AUTS2: variants seen among roughly 807,000 people sequenced by gnomAD.
AUTS2 encodes the protein activator of transcription and developmental regulator AUTS2.
A neutral mutation model predicts 112.4 loss-of-function variants in AUTS2; 17 were observed. The observed-to-expected ratio is 0.15, with a 90% CI of 0.10 to 0.23. AUTS2 has a LOEUF of 0.23. AUTS2 is among the 10% of genes least tolerant of loss of function. The probability of loss-of-function intolerance (pLI) is 1.00; values close to 1 mark genes in which losing one functional copy is unlikely to be tolerated. For synonymous variants in AUTS2, 751 were observed against 702.7 expected (o/e 1.07, Z -1.09); for missense variants, 1,510 against 1,701.6 (o/e 0.89, Z 1.98).
intron 5 of AUTS2, among the ~76,000 whole-genome samples, chr7:70,450,269 G>A (rs1796476963): frequency 6.6e-6 from 1 of 152,154 alleles, no homozygotes; most frequent in Non-Finnish European, 1.5e-5. Flanking sequence ...GAAAGCTGAG[G>A]TACCTAGATG....
intron 4 of AUTS2, among the ~76,000 whole-genome samples, chr7:70,214,362 T>C (rs984193258): frequency 6.6e-6 from 1 of 152,226 alleles, no homozygotes; most frequent in Admixed American, 6.5e-5. Flanking sequence ...ACATTCCACT[T>C]ATAATCTGTT....
chr7:69,685,749 T>C (rs985086942), intron 1 of AUTS2, among the ~76,000 whole-genome samples: 10 of 149,946 alleles, frequency 6.7e-5, no homozygotes, highest in Non-Finnish European at 1.2e-4. Context: ...ATAGAGACAA[T>C]GTCTCACTAT....
chr7:70,046,023 T>C (rs375045883), intron 2 of AUTS2, among the ~76,000 whole-genome samples: 2 of 152,150 alleles, frequency 1.3e-5, no homozygotes, highest in East Asian at 3.9e-4. Flanking sequence ...TTCAAAGTTA[T>C]ACGTTTAAAG....
At chr7:70,322,803 C>A (rs1191473391) in intron 4 of AUTS2, among the ~76,000 whole-genome samples, 2 of 152,186 alleles carry the variant, frequency 1.3e-5, no homozygotes, top group East Asian at 3.8e-4. Context: ...ATGCCCTGTA[C>A]GGATACCAAT....
intron 4 of AUTS2, among the ~76,000 whole-genome samples, chr7:70,185,284 T>TTTTTTAA: frequency 7.2e-6 from 1 of 139,854 alleles, no homozygotes; most frequent in African/African-American, 2.6e-5. Flanking sequence ...TTTTTTTTTT[T>TTTTTTAA]AAGAAACGAG....
intron 1 of AUTS2, among the ~76,000 whole-genome samples, chr7:69,606,588 C>CT (rs941622610): frequency 5.3e-5 from 8 of 150,020 alleles, no homozygotes; most frequent in East Asian, 1.9e-4. Context: ...CAAGAAGCAA[C>CT]TTTTTTTTTT....
intron 2 of AUTS2, among the ~76,000 whole-genome samples, chr7:69,989,926 T>C (rs1324956773): frequency 6.6e-6 from 1 of 152,054 alleles, no homozygotes; most frequent in Admixed American, 6.6e-5. Context: ...CCTGCTTCCA[T>C]GAGAATCTAA....
chr7:69,990,132 T>C (rs999814460), intron 2 of AUTS2, among the ~76,000 whole-genome samples: 4 of 152,214 alleles, frequency 2.6e-5, no homozygotes, highest in Non-Finnish European at 5.9e-5. Context: ...GCATGCTATT[T>C]TACCTCTTGG....
chr7:70,256,777 C>G (rs1056169966), intron 4 of AUTS2, among the ~76,000 whole-genome samples: 2 of 152,074 alleles, frequency 1.3e-5, no homozygotes, highest in Non-Finnish European at 2.9e-5. Context: ...GTGTGTTTTG[C>G]CATGCTTTTC....
At chr7:70,601,993 T>C (rs1803495503) in intron 5 of AUTS2, among the ~76,000 whole-genome samples, 1 of 152,148 alleles carries the variant, frequency 6.6e-6, no homozygotes, top group Admixed American at 6.5e-5. Flanking sequence ...TGATTCCCTA[T>C]TAGCAGATCC....
intron 2 of AUTS2, among the ~76,000 whole-genome samples, chr7:69,910,567 C>T (rs577860237): frequency 1.4e-4 from 21 of 152,316 alleles, no homozygotes; most frequent in African/African-American, 4.6e-4. Flanking sequence ...TCACATCTTA[C>T]GTGGATGGTG....
chr7:69,943,936 T>C (rs1351668688), intron 2 of AUTS2, among the ~76,000 whole-genome samples: 1 of 152,222 alleles, frequency 6.6e-6, no homozygotes, highest in East Asian at 1.9e-4. Context: ...AAACTGGTGA[T>C]ATGAAATGCT....
At chr7:70,731,604 T>C (rs1466128151) in intron 6 of AUTS2, among the ~76,000 whole-genome samples, 1 of 151,700 alleles carries the variant, frequency 6.6e-6, no homozygotes, top group Non-Finnish European at 1.5e-5. Flanking sequence ...TAATTTTTTA[T>C]ATTTTTAGTA....
chr7:70,299,970 A>C (rs1000789300), intron 4 of AUTS2, among the ~76,000 whole-genome samples: 1 of 152,248 alleles, frequency 6.6e-6, no homozygotes, highest in African/African-American at 2.4e-5. Flanking sequence ...TTGGATCCAA[A>C]GAATTTTATG....
At chr7:70,627,980 G>T (rs1805037928) in intron 5 of AUTS2, among the ~76,000 whole-genome samples, 1 of 152,146 alleles carries the variant, frequency 6.6e-6, no homozygotes, top group South Asian at 2.1e-4. Flanking sequence ...AGCTTGCCGG[G>T]ATACTCTTTC....
chr7:70,049,025 G>A lies in AUTS2; in HGVS notation c.523-69107G>A, dbSNP rs1168068955. Among the ~76,000 whole-genome samples the A allele has an allele frequency of 2.0e-5, 3 of 152,096 alleles. No individual in the cohort carries two copies. In the East Asian group the frequency reaches 5.8e-4, roughly 29 times the overall value. On this transcript the variant is annotated intron_variant, in intron 2 of 18. Coordinates refer to ENST00000342771, the MANE Select transcript of AUTS2 (RefSeq NM_015570.4). ...GAGATGAGGCTGGTCTTGAACTCCT[G>A]GGTTCAAGCAGTGTTCCTGTCTCAG...
At chr7:70,721,983 A>G (rs1786708679) in intron 6 of AUTS2, among the ~76,000 whole-genome samples, 1 of 152,064 alleles carries the variant, frequency 6.6e-6, no homozygotes, top group Non-Finnish European at 1.5e-5. Context: ...TATAATTCAT[A>G]TTGAACTTTC....
At chr7:70,505,711 C>G (rs1287808260) in intron 5 of AUTS2, among the ~76,000 whole-genome samples, 1 of 152,148 alleles carries the variant, frequency 6.6e-6, no homozygotes, top group African/African-American at 2.4e-5. Context: ...AGGGAGCAGG[C>G]CACCTCAGAC....
At chr7:70,004,384 A>G (rs1025805991) in intron 2 of AUTS2, among the ~76,000 whole-genome samples, 1 of 120,820 alleles carries the variant, frequency 8.3e-6, no homozygotes, top group African/African-American at 3.2e-5. Flanking sequence ...TCATATATAT[A>G]TTATATATAT....
Sources: gnomAD v4.1 joint callset for allele counts (sites outside exome capture counted in the v4.1 genomes callset) on GRCh38, gnomAD v4.1.1 for gene constraint, MANE v1.5 for transcripts, NCBI Gene and HGNC (gene_info 2026-07-23, HGNC 2026-07-21) for gene names.